Variants in CDK13 observed in about 807,000 individuals in gnomAD.
The protein encoded by CDK13 is cyclin-dependent kinase 13.
CDK13 carries 40 observed loss-of-function variants against 137.6 expected under a neutral mutation model. That is an observed-to-expected ratio of 0.29 (90% CI 0.23 to 0.38). CDK13 has a LOEUF of 0.38. CDK13 is among the 10% of genes least tolerant of loss of function. The probability of loss-of-function intolerance (pLI) is 1.00; values close to 1 mark genes in which losing one functional copy is unlikely to be tolerated. For synonymous variants in CDK13, 869 were observed against 760.1 expected, an observed-to-expected ratio of 1.14 and a Z score of -2.36; for missense variants, 1,704 against 1,951.8, an observed-to-expected ratio of 0.87 and a Z score of 2.39.
At chr7:40,070,657 AGCCAAGATCGT>A (rs1786400597) in intron 9 of CDK13, 1 of 152,414 alleles carries the variant, frequency 6.6e-6, no homozygotes, top group South Asian at 2.1e-4. Context: ...GGCTGCAGTG[AGCCAAGATCGT>A]GCCACTGCAC....
chr7:40,060,683 G>T (rs1157276171), intron 7 of CDK13: 1 of 152,200 alleles, frequency 6.6e-6, no homozygotes, highest in Non-Finnish European at 1.5e-5. Flanking sequence ...ATTATTAATA[G>T]AGATTAGACT....
chr7:40,043,711 C>T (rs1785666184), intron 5 of CDK13, among the ~76,000 whole-genome samples: 1 of 151,580 alleles, frequency 6.6e-6, no homozygotes, highest in South Asian at 2.1e-4. Context: ...CCCATGACCC[C>T]AACTATACTT....
intron 7 of CDK13, among the ~76,000 whole-genome samples, chr7:40,059,472 C>T (rs547874219): frequency 7.0e-4 from 106 of 152,342 alleles, no homozygotes; most frequent in Middle Eastern, 3.4e-3. Context: ...CAATTCTCTG[C>T]CTCAGCCTCC....
chr7:40,051,461 A>C (rs1346660894), intron 7 of CDK13, among the ~76,000 whole-genome samples: 1 of 150,424 alleles, frequency 6.6e-6, no homozygotes, highest in Admixed American at 6.6e-5. Flanking sequence ...AATATGTAAC[A>C]AATGATTTTT....
intron 4 of CDK13, among the ~76,000 whole-genome samples, chr7:40,001,565 T>G (rs534767751): frequency 6.6e-6 from 1 of 152,138 alleles, no homozygotes; most frequent in South Asian, 2.1e-4. Context: ...TGTAAAAGCA[T>G]CTTAGTTTTT....
chr7:39,959,287 G>A (rs1490925953), intron 1 of CDK13, among the ~76,000 whole-genome samples: 1 of 151,228 alleles, frequency 6.6e-6, no homozygotes, highest in Non-Finnish European at 1.5e-5. Flanking sequence ...TCAGCCTTCC[G>A]AGTAGCTGGG....
At position 40,075,582 on chromosome 7, in the gene CDK13, ATAAAAT is replaced by A. The variant is rs1370099647; in HGVS notation, c.2781-2419_2781-2414del. 2.6e-5 allele frequency among the ~76,000 whole-genome samples: 4 copies of A among 152,264 alleles called. No individual in the cohort carries two copies. The East Asian group carries it at 7.7e-4, about 29-fold the overall frequency. Reference sequence around the variant, plus strand: ...GCTCATTTAATTTCGTAGCTTCAAAATAAAATTAATCTTAAGTTTCCAAAAGAGGAG... The same window carrying A: ...GCTCATTTAATTTCGTAGCTTCAAAATAATCTTAAGTTTCCAAAAGAGGAG... On this transcript the variant is annotated intron_variant, in intron 9 of 13. Transcript: ENST00000181839.
At position 39,951,555 on chromosome 7, in the gene CDK13, C is replaced by A. The variant is rs898327274; in HGVS notation, c.914C>A (p.Thr305Asn). The change falls in exon 1 of 14, where the codon ACC (threonine) becomes AAC (asparagine). Residue 305 changes from threonine (T) to asparagine (N), a missense_variant. Thr to Asn is a moderately conservative substitution (Grantham distance 65). Transcript: ENST00000181839. ...CCCAAGGCCTACCGGGAGGACAAGA[C>A]CGAGCCTAAGGCCTACAGGCGGCGG... The part of the protein sequence containing the change: ...EPPKAYREDK[T>N]EPKAYRRRRS... 1 of 1,538,132 alleles carries A rather than the reference C, an allele frequency of 6.5e-7. No individual in the cohort carries two copies.
chr7:39,982,441 G>T (rs1272121310), intron 1 of CDK13, among the ~76,000 whole-genome samples: 1 of 152,030 alleles, frequency 6.6e-6, no homozygotes, highest in Non-Finnish European at 1.5e-5. Flanking sequence ...TTGGTTCCAA[G>T]TCTTTGCTAT....
intron 5 of CDK13, among the ~76,000 whole-genome samples, chr7:40,033,176 G>A (rs1415176851): frequency 1.3e-5 from 2 of 152,010 alleles, no homozygotes; most frequent in African/African-American, 2.4e-5. Context: ...GGCTGATCTC[G>A]AACTCTTGAC....
At position 39,950,894 on chromosome 7, in the gene CDK13, C is replaced by G. The variant is rs1562691656; in HGVS notation, c.253C>G (p.Pro85Ala). The change falls in exon 1 of 14, where the codon CCC (proline) becomes GCC (alanine). Residue 85 changes from proline to alanine, a missense_variant. Physicochemically the swap from Pro to Ala is conservative, Grantham distance 27. Coordinates refer to ENST00000181839, the MANE Select transcript of CDK13 (RefSeq NM_003718.5). ...CTCCTCCTCTTGCTTCAGCCCGGGC[C>G]CCCCTCTGGAGGTCAAGCGGCTGGC... Reference protein sequence around the residue: ...AASSSCFSPGPPLEVKRLARG... With the variant: ...AASSSCFSPGAPLEVKRLARG... 6 of 1,345,674 alleles carry G rather than the reference C, an allele frequency of 4.5e-6. No homozygotes were observed. The highest frequency in any genetic ancestry group is 1.5e-5 in the African/African-American group (1 of 65,030). 83.4% of individuals were successfully genotyped at this position (1,345,674 alleles called of 1,614,324 possible).
chr7:39,997,103 T>G (rs1404270928), intron 2 of CDK13, among the ~76,000 whole-genome samples: 4 of 152,180 alleles, frequency 2.6e-5, no homozygotes, highest in South Asian at 4.1e-4. Context: ...ACTTTATTTT[T>G]ATAACAGTCT....
chr7:40,015,529 T>C (rs548692389), intron 5 of CDK13, among the ~76,000 whole-genome samples: 22 of 152,308 alleles, frequency 1.4e-4, no homozygotes, highest in African/African-American at 5.3e-4. Context: ...ATATAGTGCA[T>C]GTGAAGGACT....
At chr7:39,953,153 T>C (rs1235665692) in intron 1 of CDK13, among the ~76,000 whole-genome samples, 1 of 152,218 alleles carries the variant, frequency 6.6e-6, no homozygotes, top group African/African-American at 2.4e-5. Context: ...GTGTGATGTT[T>C]ATAGAGATCT....
intron 7 of CDK13, chr7:40,048,769 T>A (rs1284212417): frequency 6.6e-6 from 1 of 151,480 alleles, no homozygotes; most frequent in Non-Finnish European, 1.5e-5. Flanking sequence ...TTTTTCAGAG[T>A]AAAAAGTCTT....
chr7:40,092,731 A>AGT (rs779728067), intron 12 of CDK13, 54 bp from the exon 13 acceptor site: 2 of 1,304,276 alleles, frequency 1.5e-6, no homozygotes, highest in Non-Finnish European at 2.2e-6. Flanking sequence ...TTGGTGTGGG[A>AGT]GTGGGAGGAG....
At chr7:40,071,272 A>G (rs1225619523) in intron 9 of CDK13, 3 of 152,212 alleles carry the variant, frequency 2.0e-5, no homozygotes, top group Admixed American at 6.6e-5. Context: ...CGTATTAGAA[A>G]TTAAAGATAT....
chr7:39,968,101 GT>G (rs1363995208), intron 1 of CDK13, among the ~76,000 whole-genome samples: 1 of 152,068 alleles, frequency 6.6e-6, no homozygotes, highest in Admixed American at 6.6e-5. Context: ...TTTTCTTTCT[GT>G]TGATTTGAGT....
In CDK13 at chr7:40,094,151, A is replaced by G; in HGVS notation, c.3710A>G (p.His1237Arg). The G allele has an allele frequency of 6.2e-7, 1 of 1,613,970 alleles. No homozygotes were observed. The highest frequency in any genetic ancestry group is 2.2e-5 in the East Asian group (1 of 44,864). ...TTAGGACAAGATGACCTCATCCAGCATCAAGATATGAGGATCTTGGAGCTA... is the reference window on the plus strand; with the variant it reads ...TTAGGACAAGATGACCTCATCCAGCGTCAAGATATGAGGATCTTGGAGCTA... ...PVSGQDDLIQ[H>R]QDMRILELTP... Residue 1237 changes from histidine (H) to arginine (R), a missense_variant, in exon 14 of 14, where the codon CAT becomes CGT. Coordinates refer to ENST00000181839, the MANE Select transcript of CDK13 (RefSeq NM_003718.5).
Sources: allele counts gnomAD v4.1 joint callset (sites outside exome capture counted in the v4.1 genomes callset), GRCh38; gene constraint gnomAD v4.1.1; transcripts MANE v1.5; gene names NCBI Gene and HGNC (gene_info 2026-07-23, HGNC 2026-07-21).